Variants in LAMA4 observed in about 807,000 individuals in gnomAD.
The protein encoded by LAMA4 is laminin subunit alpha 4, also known as laminin subunit alpha-4.
Under a neutral mutation model 207.1 loss-of-function variants are expected in LAMA4, and 127 were observed. The observed-to-expected ratio is 0.61, with a 90% CI of 0.53 to 0.71. The LOEUF (loss-of-function observed/expected upper bound fraction) is 0.71, where lower values mean the gene tolerates loss of function less well. Among genes scored for constraint, LAMA4 ranks in the 30% least tolerant of loss-of-function variants. The probability of loss-of-function intolerance (pLI) is 0.00; values close to 1 mark genes in which losing one functional copy is unlikely to be tolerated. For missense variants in LAMA4, 2,093 were observed against 2,246.5 expected, an observed-to-expected ratio of 0.93 and a Z score of 1.38; for synonymous variants, 761 against 816.0, an observed-to-expected ratio of 0.93 and a Z score of 1.15.
rs907190665 is a variant in LAMA4 at position 112,133,406 on chromosome 6, A to C, written c.3639T>G (p.Asn1213Lys). The C allele has an allele frequency of 1.3e-5, 21 of 1,613,768 alleles. No homozygotes were observed. The highest frequency in any genetic ancestry group is 1.8e-5 in the Non-Finnish European group (21 of 1,179,834). Residue 1213 changes from asparagine (N) to lysine (K), a missense_variant, in exon 27 of 39, where the codon AAT (asparagine) becomes AAG (lysine). Around this residue, in one of 3 missense-constraint regions of LAMA4, gnomAD observed 1,704 missense variants for 1,788.4 expected, o/e 0.95. Transcript: ENST00000230538. ...KGFQFQKKDFNLLEQTETLGV... is the reference protein window; with the variant it reads ...KGFQFQKKDFKLLEQTETLGV... ...CCAGGGTTTCTGTCTGCTCCAGTAA[A>C]TTGAAGTCCTTCTTTTGGAACTGGA...
chr6:112,109,369 C>A lies in LAMA4; in HGVS notation c.*68G>T. The A allele has an allele frequency of 1.3e-6, 2 of 1,575,398 alleles. No individual in the cohort carries two copies. Among genetic ancestry groups the A allele is most frequent in the Non-Finnish European group, 1.7e-6 (2 of 1,149,176 alleles). ...CCCGAAGGAAGAGTTACTGTTCCTCCTGGCTGGCTTTGTGTTTCTTTCAGT... is the reference window on the plus strand; with the variant it reads ...CCCGAAGGAAGAGTTACTGTTCCTCATGGCTGGCTTTGTGTTTCTTTCAGT... On this transcript the variant is annotated 3_prime_UTR_variant, in exon 39 of 39. Coordinates refer to ENST00000230538, the MANE Select transcript of LAMA4 (RefSeq NM_001105206.3).
In LAMA4 at chr6:112,109,388, T is replaced by G; in HGVS notation, c.*49A>C. ...TTCCTCCTGGCTGGCTTTGTGTTTC[T>G]TTCAGTGCTCTAAAGAACTTTGTAT... On this transcript the variant is annotated 3_prime_UTR_variant, in exon 39 of 39. Coordinates refer to ENST00000230538, the MANE Select transcript of LAMA4 (RefSeq NM_001105206.3). 1 of 1,610,420 alleles carries G rather than the reference T, an allele frequency of 6.2e-7. No homozygotes were observed. Among genetic ancestry groups the G allele is most frequent in the Non-Finnish European group, 8.5e-7 (1 of 1,178,290 alleles).
intron 13 of LAMA4, 115 bp from the exon 14 acceptor site, chr6:112,158,995 T>C: frequency 1.4e-6 from 1 of 736,264 alleles, no homozygotes; most frequent in Non-Finnish European, 2.3e-6. Flanking sequence ...TAAATTTCAG[T>C]GCAGGACCAC....
Position 112,209,681 on chromosome 6 carries a change from C to G in LAMA4, c.298-2536G>C, listed in dbSNP as rs144916133. ...AAAGTGATGATTTAGACTAGATGGC[C>G]TTTCAGGTTTCTTCTAGCTCTGATA... On this transcript the variant is annotated intron_variant, in intron 3 of 38. Transcript: ENST00000230538. Among the ~76,000 whole-genome samples the G allele has an allele frequency of 2.2e-3, 335 of 152,262 alleles. 3 individuals are homozygous for G. The highest frequency in any genetic ancestry group is 6.8e-3 in the African/African-American group (281 of 41,558).
intron 3 of LAMA4, among the ~76,000 whole-genome samples, chr6:112,214,773 G>C (rs2115053308): frequency 6.6e-6 from 1 of 152,288 alleles, no homozygotes; most frequent in African/African-American, 2.4e-5. Flanking sequence ...ATTAGAACCT[G>C]TTATGTCACA....
chr6:112,253,733 T>G, intron 2 of LAMA4: 2 of 1,612,518 alleles, frequency 1.2e-6, no homozygotes, highest in Non-Finnish European at 1.7e-6. Flanking sequence ...TCTCACCCCT[T>G]TGAGCAGACA....
chr6:112,246,475 A>C (rs1453044693), intron 2 of LAMA4, among the ~76,000 whole-genome samples: 1 of 151,398 alleles, frequency 6.6e-6, no homozygotes, highest in African/African-American at 2.4e-5. Context: ...TTTAGTATTT[A>C]ATTATGAGAG....
chr6:112,254,750 T>C (rs991429776), upstream of LAMA4: 1 of 156,212 alleles, frequency 6.4e-6, no homozygotes, highest in Non-Finnish European at 1.4e-5. Context: ...CTCTTATTTA[T>C]GTAGTCAAGG....
At chr6:112,132,681 C>T in intron 28 of LAMA4, 72 bp downstream of exon 28, 1 of 1,383,532 alleles carries the variant, frequency 7.2e-7, no homozygotes, top group Non-Finnish European at 1.0e-6. Context: ...TTCTAACATG[C>T]ATTACAAATT....
intron 5 of LAMA4, among the ~76,000 whole-genome samples, chr6:112,192,827 C>A (rs1783196058): frequency 6.6e-6 from 1 of 152,208 alleles, no homozygotes; most frequent in Non-Finnish European, 1.5e-5. Context: ...GGCCTGTAGG[C>A]CCCATGTAAG....
chr6:112,217,183 C>T (rs772032234), intron 2 of LAMA4, among the ~76,000 whole-genome samples: 2 of 152,158 alleles, frequency 1.3e-5, no homozygotes, highest in Non-Finnish European at 2.9e-5. Context: ...ACTATCCTGT[C>T]ATGCACCAAT....
chr6:112,125,943 A>G (rs1778662867), intron 31 of LAMA4, among the ~76,000 whole-genome samples: 1 of 152,236 alleles, frequency 6.6e-6, no homozygotes, highest in African/African-American at 2.4e-5. Flanking sequence ...GTAGCTATTT[A>G]TGAAGCTGTT....
intron 2 of LAMA4, among the ~76,000 whole-genome samples, chr6:112,246,333 T>G (rs1422609610): frequency 1.3e-5 from 2 of 152,170 alleles, no homozygotes; most frequent in African/African-American, 4.8e-5. Context: ...TTTTAATGGC[T>G]TTTAACCAAT....
intron 5 of LAMA4, among the ~76,000 whole-genome samples, chr6:112,197,426 C>T (rs114525153): frequency 6.2e-4 from 95 of 152,180 alleles, no homozygotes; most frequent in African/African-American, 2.2e-3. Flanking sequence ...CAGTGTTTCG[C>T]GAATTTGCAT....
chr6:112,133,021 A>G, intron 27 of LAMA4, 131 bp from the exon 28 acceptor site: 3 of 996,384 alleles, frequency 3.0e-6, no homozygotes, highest in Non-Finnish European at 4.6e-6. Context: ...CTTCTGGTCT[A>G]TGTTGGAATT....
intron 16 of LAMA4, among the ~76,000 whole-genome samples, chr6:112,153,326 C>T (rs1780507959): frequency 6.6e-6 from 1 of 152,072 alleles, no homozygotes; most frequent in Non-Finnish European, 1.5e-5. Context: ...GGAAGACAGT[C>T]CTATAAAGTT....
At chr6:112,210,630 C>T (rs1554356192) in intron 3 of LAMA4, among the ~76,000 whole-genome samples, 1 of 151,872 alleles carries the variant, frequency 6.6e-6, no homozygotes, top group Non-Finnish European at 1.5e-5. Flanking sequence ...CTAAGTATGC[C>T]CAGGGAGGTC....
chr6:112,141,309 G>T, intron 21 of LAMA4, 49 bp downstream of exon 21: 1 of 1,570,616 alleles, frequency 6.4e-7, no homozygotes, highest in Non-Finnish European at 8.8e-7. Flanking sequence ...CGTTCAACAG[G>T]TTTCTTGTGA....
rs557176832 is a variant in LAMA4, at chr6:112,184,034, T to C, written c.1077+1203A>G. Among the ~76,000 whole-genome samples, 51 of 151,398 alleles carry C rather than the reference T, an allele frequency of 3.4e-4. 1 individual carries two copies. The South Asian group carries it at 9.6e-3, about 28-fold the overall frequency. ...ATCTGATACCAACATGAAGTAACAA[T>C]GAGTTTCCACAAATATTTATTTCTT... On this transcript the variant is annotated intron_variant, in intron 9 of 38. Coordinates refer to ENST00000230538, the MANE Select transcript of LAMA4 (RefSeq NM_001105206.3).
Sources: gnomAD v4.1 joint callset for allele counts (sites outside exome capture counted in the v4.1 genomes callset) on GRCh38, gnomAD v4.1.1 for gene constraint, gnomAD v4.1.1 regional missense constraint, MANE v1.5 for transcripts, NCBI Gene and HGNC (gene_info 2026-07-23, HGNC 2026-07-21) for gene names.